Variants in PLCG2 observed in about 807,000 individuals in gnomAD.
PLCG2 encodes the protein phospholipase C gamma 2.
PLCG2 carries 69 observed loss-of-function variants against 175.6 expected under a neutral mutation model. The observed-to-expected ratio is 0.39, with a 90% CI of 0.32 to 0.48. The LOEUF (loss-of-function observed/expected upper bound fraction) is 0.48. Ranked by LOEUF, PLCG2 falls within the 20% of genes least tolerant of loss-of-function variation. The pLI, the probability that PLCG2 is intolerant of heterozygous loss-of-function variation, is 0.91. For missense variants in PLCG2, 1,798 were observed against 1,650.9 expected (o/e 1.09, Z -1.54); for synonymous variants, 827 against 624.0 (o/e 1.33, Z -4.85).
intron 9 of PLCG2, among the ~76,000 whole-genome samples, chr16:81,886,140 A>G (rs1000138578): frequency 6.6e-6 from 1 of 152,210 alleles, no homozygotes; most frequent in African/African-American, 2.4e-5. Context: ...CTCGCATCCT[A>G]GAATTCACCA....
At chr16:81,915,668 T>A (rs1254942229) in intron 19 of PLCG2, among the ~76,000 whole-genome samples, 1 of 152,208 alleles carries the variant, frequency 6.6e-6, no homozygotes. Context: ...ATGATCCTAA[T>A]GCTCCCCATG....
At chr16:81,764,864 C>T (rs940595592) in intron 2 of PLCG2, among the ~76,000 whole-genome samples, 4 of 152,030 alleles carry the variant, frequency 2.6e-5, no homozygotes, top group African/African-American at 9.7e-5. Flanking sequence ...CCTAAGTGGG[C>T]AGATCACTTG....
intron 2 of PLCG2, among the ~76,000 whole-genome samples, chr16:81,823,631 TC>T (rs1441653520): frequency 4.6e-5 from 7 of 152,050 alleles, no homozygotes; most frequent in Non-Finnish European, 8.8e-5. Context: ...GCTCAAGCGA[TC>T]TTCCCGCCTC....
Position 81,958,160 on chromosome 16 carries a change from G to C in PLCG2, c.*162G>C, listed in dbSNP as rs1238198395. On this transcript the variant is annotated 3_prime_UTR_variant, in exon 33 of 33. Transcript: ENST00000564138. ...TTAAGACCCAACTGGCATGAGTTGGGGTAATTTCCTATTATTTTCATCTTG... is the reference window on the plus strand; with the variant it reads ...TTAAGACCCAACTGGCATGAGTTGGCGTAATTTCCTATTATTTTCATCTTG... 6.8e-6 allele frequency: 4 copies of C among 590,882 alleles called. No homozygotes were observed. Among genetic ancestry groups the C allele is most frequent in the Non-Finnish European group, 1.2e-5 (4 of 323,068 alleles). 36.6% of individuals were successfully genotyped at this position (590,882 alleles called of 1,614,324 possible).
At position 81,907,721 on chromosome 16, in the gene PLCG2, A is replaced by G. The variant is rs199761977; in HGVS notation, c.1504A>G (p.Lys502Glu). The G allele has an allele frequency of 1.2e-6, 2 of 1,614,048 alleles. No individual in the cohort carries two copies. The highest frequency in any genetic ancestry group is 1.7e-6 in the Non-Finnish European group (2 of 1,179,926). Residue 502 changes from lysine (K) to glutamate (E), a missense_variant, in exon 16 of 33, where the codon AAG (lysine) becomes GAG (glutamate). Transcript: ENST00000564138. ...GCACTACTGCGCCATTGCCGATGCC[A>G]AGCTGTCCTTCAGTGATGACATTGA... ...TRHYCAIADA[K>E]LSFSDDIEQT...
chr16:81,913,456 C>G (rs1909716886), intron 19 of PLCG2, among the ~76,000 whole-genome samples: 1 of 152,214 alleles, frequency 6.6e-6, no homozygotes, highest in African/African-American at 2.4e-5. Flanking sequence ...AGTGACCTGC[C>G]TGGAGTCACA....
At chr16:81,922,277 C>T (rs1353428516) in intron 21 of PLCG2, among the ~76,000 whole-genome samples, 2 of 152,238 alleles carry the variant, frequency 1.3e-5, no homozygotes, top group African/African-American at 2.4e-5. Context: ...GGATCCAGTT[C>T]TGGGCTGAGC....
intron 1 of PLCG2, among the ~76,000 whole-genome samples, chr16:81,780,215 T>C (rs1430680652): frequency 6.6e-6 from 1 of 152,066 alleles, no homozygotes; most frequent in Non-Finnish European, 1.5e-5. Context: ...CGGAACTTAA[T>C]TTGAATTTCA....
rs549965802 is a variant in PLCG2 at position 81,868,265 on chromosome 16, C to T, written c.480-949C>T. Among the ~76,000 whole-genome samples, 161 of 152,322 alleles carry T rather than the reference C, an allele frequency of 1.1e-3. 1 individual carries two copies. The highest frequency in any genetic ancestry group is 1.1e-3 in the Non-Finnish European group (73 of 68,036). ...CCTGGATGACCCCAGGGCAGCCTGG[C>T]ACACAGTAGGTGCTCATGTAGGCCT... On this transcript the variant is annotated intron_variant, in intron 5 of 32. Coordinates refer to ENST00000564138, the MANE Select transcript of PLCG2 (RefSeq NM_002661.5).
At position 81,923,508 on chromosome 16, in the gene PLCG2, G is replaced by A. The variant is rs372491825; in HGVS notation, c.2331G>A (p.Leu777=). The stretch of plus-strand genomic sequence containing the variant: ...AGCCTCAGAGAACCGTGAAAGCTCT[G>A]TATGACTACAAAGCCAAGCGAAGCG... ...PSMPQRTVKA[L]YDYKAKRSDE... The change falls in exon 22 of 33, where the codon CTG becomes CTA. Residue 777 remains leucine (L), a synonymous_variant. Transcript: ENST00000564138. 5.5e-5 allele frequency: 88 copies of A among 1,613,040 alleles called. No individual in the cohort carries two copies. Among genetic ancestry groups the A allele is most frequent in the Non-Finnish European group, 7.3e-5 (86 of 1,179,314 alleles).
rs113057411 is a variant in PLCG2 at position 81,745,196 on chromosome 16, C to T, written c.-145+5811C>T. On this transcript the variant is annotated intron_variant, in intron 1 of 5. Transcript: ENST00000565054. ...ACCCAGCCCAAGATTCAATCTTAAT[C>T]GGTCTAAGCCAGTGGTGGCATTCCT... Among the ~76,000 whole-genome samples, 605 of 152,266 alleles carry T rather than the reference C, an allele frequency of 4.0e-3. 4 individuals are homozygous for T. The highest frequency in any genetic ancestry group is 0.014 in the African/African-American group (576 of 41,542).
At chr16:81,753,996 T>C (rs1345060209) in intron 1 of PLCG2, among the ~76,000 whole-genome samples, 2 of 151,952 alleles carry the variant, frequency 1.3e-5, no homozygotes, top group Non-Finnish European at 2.9e-5. Context: ...CCCTGTGTCT[T>C]CTCTTGCCTG....
intron 2 of PLCG2, chr16:81,798,786 C>T (rs995908875): frequency 6.6e-6 from 1 of 152,372 alleles, no homozygotes; most frequent in Non-Finnish European, 1.5e-5. Context: ...AAGAGGAGAC[C>T]CCGCAGAGCT....
intron 2 of PLCG2, chr16:81,799,080 T>G (rs544322048): frequency 6.6e-6 from 1 of 152,396 alleles, no homozygotes; most frequent in African/African-American, 2.4e-5. Context: ...GTTTCCTGTT[T>G]AGACAGCTCT....
intron 2 of PLCG2, chr16:81,842,854 G>C (rs1905908581): frequency 6.6e-6 from 1 of 152,124 alleles, no homozygotes; most frequent in Non-Finnish European, 1.5e-5. Context: ...AAGTCCGCAA[G>C]GCTGTGCCAG....
chr16:81,937,712 G>C lies in PLCG2; in HGVS notation c.3053-46G>C, dbSNP rs771101377. 1.4e-5 allele frequency: 23 copies of C among 1,586,398 alleles called. No individual in the cohort carries two copies. The Admixed American group carries it at 3.6e-4, about 25-fold the overall frequency. ...TAGAAACTCCTGGCCTAGGGGGCCA[G>C]CGTGCTCATGCCTGACTTACAGCAG... On this transcript the variant is annotated intron_variant, in intron 27 of 32. Coordinates refer to ENST00000564138, the MANE Select transcript of PLCG2 (RefSeq NM_002661.5).
At chr16:81,823,645 T>C (rs1192296807) in intron 2 of PLCG2, among the ~76,000 whole-genome samples, 2 of 151,774 alleles carry the variant, frequency 1.3e-5, no homozygotes, top group African/African-American at 4.8e-5. Context: ...CCCGCCTCAG[T>C]CTCTCAAGTA....
Position 81,928,597 on chromosome 16 carries a change from A to C in PLCG2, c.2554A>C (p.Ile852Leu). The C allele has an allele frequency of 1.9e-6, 3 of 1,609,110 alleles. No homozygotes were observed. The highest frequency in any genetic ancestry group is 2.6e-6 in the Non-Finnish European group (3 of 1,175,428). The change falls in exon 24 of 33, where the codon ATA (isoleucine) becomes CTA (leucine). Residue 852 changes from isoleucine to leucine, a missense_variant. Coordinates refer to ENST00000564138, the MANE Select transcript of PLCG2 (RefSeq NM_002661.5). ...DNPLGSLCRG[I>L]LDLNTYNVVK... ...TCCCTTAGGGTCTCTTTGCAGAGGA[A>C]TATTGGACCTCAATACCTATAACGT...
At chr16:81,848,130 TA>T (rs1377664724) in intron 2 of PLCG2, among the ~76,000 whole-genome samples, 9 of 152,256 alleles carry the variant, frequency 5.9e-5, no homozygotes, top group South Asian at 4.1e-4. Context: ...GGCAGAAGAA[TA>T]GAAAGATTAG....
Sources: allele counts gnomAD v4.1 joint callset (sites outside exome capture counted in the v4.1 genomes callset), GRCh38; gene constraint gnomAD v4.1.1; transcripts MANE v1.5; gene names NCBI Gene and HGNC (gene_info 2026-07-23, HGNC 2026-07-21).